KLF13: variants seen among roughly 807,000 people sequenced by gnomAD.
KLF13 encodes the protein Krueppel-like factor 13.
Under a neutral mutation model 16.7 loss-of-function variants are expected in KLF13, and 8 were observed. The ratio of observed to expected loss-of-function variants is 0.48; its 90% CI spans 0.28 to 0.87. The LOEUF is 0.87. KLF13 is among the 40% of genes least tolerant of loss of function. KLF13 has a pLI of 0.10. For missense variants in KLF13, 447 were observed against 452.2 expected (o/e 0.99, Z 0.10); for synonymous variants, 245 against 208.4 (o/e 1.18, Z -1.51).
At chr15:31,388,824 A>C, upstream of KLF13, among the ~76,000 whole-genome samples, 4 of 146,676 alleles carry the variant, frequency 2.7e-5, no homozygotes, top group South Asian at 4.4e-4. Context: ...TTCCCCCCAC[A>C]CACACCAGTT....
chr15:31,365,197 G>C (rs2039446477), intron 1 of KLF13, among the ~76,000 whole-genome samples: 2 of 152,160 alleles, frequency 1.3e-5, no homozygotes, highest in African/African-American at 4.8e-5. Context: ...GAGCCTGAGG[G>C]CAAGCAATTT....
At chr15:31,344,135 G>C (rs1483465392) in intron 1 of KLF13, among the ~76,000 whole-genome samples, 1 of 152,142 alleles carries the variant, frequency 6.6e-6, no homozygotes, top group Non-Finnish European at 1.5e-5. Flanking sequence ...TCCTGCTAGC[G>C]CTGCGCACCC....
downstream of KLF13, among the ~76,000 whole-genome samples, chr15:31,382,149 A>G (rs929750197): frequency 6.6e-6 from 1 of 152,166 alleles, no homozygotes; most frequent in African/African-American, 2.4e-5. Flanking sequence ...GCCACTGGGA[A>G]ATGATCCCTG....
At chr15:31,414,275 C>G (rs887254439) in intron 1 of KLF13, among the ~76,000 whole-genome samples, 1 of 152,084 alleles carries the variant, frequency 6.6e-6, no homozygotes, top group East Asian at 1.9e-4. Flanking sequence ...AAAATATTTA[C>G]TTAATGCAGA....
At chr15:31,409,617 G>A (rs1264028859), downstream of KLF13, among the ~76,000 whole-genome samples, 1 of 152,042 alleles carries the variant, frequency 6.6e-6, no homozygotes, top group African/African-American at 2.4e-5. Context: ...ACAAAGAAAA[G>A]ACCCTGAAGA....
At chr15:31,356,131 G>C (rs891543812) in intron 1 of KLF13, among the ~76,000 whole-genome samples, 1 of 152,244 alleles carries the variant, frequency 6.6e-6, no homozygotes, top group East Asian at 1.9e-4. Flanking sequence ...CATCACCCAG[G>C]TGATAAACAT....
At chr15:31,424,120 C>T (rs560006628) in intron 1 of KLF13, among the ~76,000 whole-genome samples, 1 of 152,054 alleles carries the variant, frequency 6.6e-6, no homozygotes, top group East Asian at 1.9e-4. Context: ...TAGAAAAGCC[C>T]AGGACCAGGT....
At chr15:31,378,402 A>C (rs1013461716), downstream of KLF13, among the ~76,000 whole-genome samples, 1 of 152,176 alleles carries the variant, frequency 6.6e-6, no homozygotes, top group Non-Finnish European at 1.5e-5. Context: ...AGCGAGGACG[A>C]GTCCCAGGAC....
At chr15:31,340,074 C>T in intron 1 of KLF13, 2 of 701,892 alleles carry the variant, frequency 2.8e-6, no homozygotes, top group Non-Finnish European at 5.2e-6. Context: ...TCCTGTGAGC[C>T]TCTCTGCCTC....
At chr15:31,389,242 AT>A (rs1439690557), upstream of KLF13, among the ~76,000 whole-genome samples, 1 of 152,126 alleles carries the variant, frequency 6.6e-6, no homozygotes. Context: ...TCTTAATAAC[AT>A]TTTCTTTTCT....
downstream of KLF13, among the ~76,000 whole-genome samples, chr15:31,378,055 A>G (rs2039677404): frequency 6.6e-6 from 1 of 152,082 alleles, no homozygotes; most frequent in Non-Finnish European, 1.5e-5. Flanking sequence ...GGCTTTGCAG[A>G]AGAGCTCTTG....
intron 1 of KLF13, among the ~76,000 whole-genome samples, chr15:31,370,425 C>CCTTTTTT (rs550965765): frequency 5.5e-5 from 8 of 145,182 alleles, no homozygotes; most frequent in South Asian, 2.2e-4. Context: ...GTTGTTTTTG[C>CCTTTTTT]TTTTTTTTTT....
At chr15:31,405,225 A>G (rs745900109), downstream of KLF13, among the ~76,000 whole-genome samples, 2 of 152,028 alleles carry the variant, frequency 1.3e-5, no homozygotes, top group East Asian at 3.9e-4. Flanking sequence ...GAGGCAGGAG[A>G]ATTGCATGAA....
intron 1 of KLF13, among the ~76,000 whole-genome samples, chr15:31,331,081 C>T (rs1232569083): frequency 2.0e-5 from 3 of 152,230 alleles, no homozygotes; most frequent in African/African-American, 7.2e-5. Flanking sequence ...CTTGGTCTTT[C>T]TTGGCAGAGA....
intron 2 of KLF13, among the ~76,000 whole-genome samples, chr15:31,402,248 GAGA>G (rs1196978321): frequency 6.6e-6 from 1 of 152,226 alleles, no homozygotes; most frequent in African/African-American, 2.4e-5. Flanking sequence ...AGCCCTCTGG[GAGA>G]AGATGTGCCC....
At position 31,377,435 on chromosome 15, in the gene KLF13, T is replaced by A. The variant is rs1376846619; in HGVS notation, c.*5136T>A. On this transcript the variant is annotated 3_prime_UTR_variant, in exon 2 of 2. Coordinates refer to ENST00000307145, the MANE Select transcript of KLF13 (RefSeq NM_015995.4). Reference sequence around the variant, plus strand: ...GGGCTTTCGGTGGTTCCTTGGTGACTGGGAATTGCTTGTGTGCATGTGTTG... The same window carrying A: ...GGGCTTTCGGTGGTTCCTTGGTGACAGGGAATTGCTTGTGTGCATGTGTTG... 1 of 152,640 alleles carries A rather than the reference T, an allele frequency of 6.6e-6. No homozygotes were observed. Among genetic ancestry groups the A allele is most frequent in the East Asian group, 1.9e-4 (1 of 5,202 alleles). The allele number at this position is 152,640 out of a possible 1,614,324, so 9.5% of individuals were successfully genotyped here. A position where few individuals can be genotyped will look rare whatever the true frequency, so the allele number is the denominator to read the frequency against.
At chr15:31,387,250 A>G (rs1188329523) in intron 1 of KLF13, among the ~76,000 whole-genome samples, 5 of 152,134 alleles carry the variant, frequency 3.3e-5, no homozygotes, top group Non-Finnish European at 7.4e-5. Context: ...GGTGTGGCAA[A>G]CTTCATTGTT....
chr15:31,396,212 G>A (rs752299018), intron 2 of KLF13, among the ~76,000 whole-genome samples: 1 of 152,054 alleles, frequency 6.6e-6, no homozygotes, highest in Admixed American at 6.6e-5. Context: ...TTTAGTAGAC[G>A]GGGTTTCTCT....
At chr15:31,434,945 G>T (rs1176074177) in intron 1 of KLF13, among the ~76,000 whole-genome samples, 3 of 152,220 alleles carry the variant, frequency 2.0e-5, no homozygotes, top group Non-Finnish European at 4.4e-5. Context: ...GGGGCCGGGG[G>T]ACTGGCCAAA....
Sources: gnomAD v4.1 joint callset for allele counts (sites outside exome capture counted in the v4.1 genomes callset) on GRCh38, gnomAD v4.1.1 for gene constraint, MANE v1.5 for transcripts, NCBI Gene and HGNC (gene_info 2026-07-23, HGNC 2026-07-21) for gene names.